Variants in ADK observed in about 807,000 individuals in gnomAD.
The protein encoded by ADK is N6,N6-dimethyladenosine kinase.
A neutral mutation model predicts 44.7 loss-of-function variants in ADK; 24 were observed. The observed-to-expected ratio is 0.54, with a 90% CI of 0.39 to 0.76. The LOEUF (loss-of-function observed/expected upper bound fraction) is 0.76. ADK is among the 30% of genes least tolerant of loss of function. The pLI is 0.00. For synonymous variants in ADK, 128 were observed against 142.6 expected (o/e 0.90, Z 0.73); for missense variants, 321 against 425.1 (o/e 0.76, Z 2.15).
intron 9 of ADK, among the ~76,000 whole-genome samples, chr10:74,606,664 C>G (rs1589292087): frequency 6.6e-6 from 1 of 152,044 alleles, no homozygotes; most frequent in Admixed American, 6.6e-5. Context: ...ATTATGTGGT[C>G]AATTTTAGAA....
At chr10:74,589,358 G>T (rs201841553) in intron 8 of ADK, 41 bp downstream of exon 8, 2 of 1,600,738 alleles carry the variant, frequency 1.2e-6, no homozygotes, top group African/African-American at 1.3e-5. Context: ...GATCCTAAAG[G>T]TTTTTTCTAG....
rs56052959 is a variant in ADK at position 74,312,914 on chromosome 10, C to CAAAAAAAAAAAAAAA, written c.195-1741_195-1727dup. 6.3e-4 allele frequency among the ~76,000 whole-genome samples: 24 copies of CAAAAAAAAAAAAAAA among 37,830 alleles called. 2 individuals carry two copies. Among genetic ancestry groups the CAAAAAAAAAAAAAAA allele is most frequent in the African/African-American group, 2.2e-3 (22 of 10,212 alleles). The allele number at this position is 37,830 out of a possible 152,430, so 24.8% of individuals were successfully genotyped here. ...GGATGAAAAAGGAAGATTCTGTCTC[C>CAAAAAAAAAAAAAAA]AAAAAAAAAAAAAAAAAAAAAAAAA... On this transcript the variant is annotated intron_variant, in intron 3 of 10. Transcript: ENST00000539909.
At chr10:74,469,648 G>A (rs751927976) in intron 6 of ADK, among the ~76,000 whole-genome samples, 64 of 152,314 alleles carry the variant, frequency 4.2e-4, no homozygotes, top group Non-Finnish European at 8.8e-4. Context: ...ATAGGCATAA[G>A]CCACCGTGCC....
chr10:74,271,857 CT>C (rs1846444892), intron 3 of ADK, among the ~76,000 whole-genome samples: 1 of 151,976 alleles, frequency 6.6e-6, no homozygotes, highest in South Asian at 2.1e-4. Flanking sequence ...TATGACAAAG[CT>C]GCTTCATATT....
At chr10:74,465,677 A>C (rs1282254756) in intron 6 of ADK, among the ~76,000 whole-genome samples, 2 of 152,168 alleles carry the variant, frequency 1.3e-5, no homozygotes, top group African/African-American at 2.4e-5. Flanking sequence ...GTGTAGGTAG[A>C]TTTAATAGAA....
intron 9 of ADK, among the ~76,000 whole-genome samples, chr10:74,614,596 A>G (rs1852676892): frequency 6.6e-6 from 1 of 152,008 alleles, no homozygotes; most frequent in Admixed American, 6.6e-5. Flanking sequence ...AGCTTCTACT[A>G]CTGACAGTTA....
In ADK at chr10:74,532,959, C is replaced by T. The variant is rs151001875; in HGVS notation, c.726+7533C>T. Among the ~76,000 whole-genome samples the T allele has an allele frequency of 5.0e-4, 73 of 146,032 alleles. No individual in the cohort carries two copies. In the East Asian group the frequency reaches 0.012, roughly 24 times the overall value. On this transcript the variant is annotated intron_variant, in intron 7 of 10. Transcript: ENST00000539909. Reference sequence around the variant, plus strand: ...AAAAAAAGCTATTAGAACTAAGTGACGTAGCAAGATTGTAGCATACAGAAT... The same window carrying T: ...AAAAAAAGCTATTAGAACTAAGTGATGTAGCAAGATTGTAGCATACAGAAT...
chr10:74,303,592 T>G (rs903149469), intron 3 of ADK, among the ~76,000 whole-genome samples: 23 of 112,162 alleles, frequency 2.1e-4, no homozygotes, highest in East Asian at 6.6e-4. Flanking sequence ...AATGTTGTTT[T>G]TTTTTTTTTT....
chr10:74,276,032 T>G (rs1368486749), intron 3 of ADK, among the ~76,000 whole-genome samples: 1 of 152,160 alleles, frequency 6.6e-6, no homozygotes, highest in Non-Finnish European at 1.5e-5. Flanking sequence ...ATCGTATAGT[T>G]TTTATCTTTT....
chr10:74,299,515 A>ATAT (rs1554840012), intron 3 of ADK, among the ~76,000 whole-genome samples: 2 of 140,532 alleles, frequency 1.4e-5, no homozygotes, highest in African/African-American at 2.6e-5. Flanking sequence ...AAAAAAAAGA[A>ATAT]ATATATATAT....
At chr10:74,460,983 G>C (rs1383735979) in intron 6 of ADK, among the ~76,000 whole-genome samples, 1 of 152,154 alleles carries the variant, frequency 6.6e-6, no homozygotes, top group Admixed American at 6.5e-5. Context: ...GGAGTACTGA[G>C]TTTTCTAATA....
intron 8 of ADK, among the ~76,000 whole-genome samples, chr10:74,590,873 A>C (rs1435508658): frequency 6.6e-6 from 1 of 152,176 alleles, no homozygotes; most frequent in African/African-American, 2.4e-5. Flanking sequence ...TTTAAGTTTT[A>C]ATATTACAAA....
intron 2 of ADK, among the ~76,000 whole-genome samples, chr10:74,211,169 G>A (rs568931303): frequency 6.6e-6 from 1 of 152,298 alleles, no homozygotes; most frequent in South Asian, 2.1e-4. Flanking sequence ...ACAGGTGTGA[G>A]CTACCGTGCC....
intron 9 of ADK, among the ~76,000 whole-genome samples, chr10:74,601,526 A>C (rs1271720688): frequency 6.6e-6 from 1 of 152,112 alleles, no homozygotes; most frequent in Non-Finnish European, 1.5e-5. Context: ...ATTTGCTTCA[A>C]AGTAGTTCAG....
chr10:74,612,043 A>C (rs1013498316), intron 9 of ADK, among the ~76,000 whole-genome samples: 8 of 152,174 alleles, frequency 5.3e-5, no homozygotes, highest in African/African-American at 1.9e-4. Flanking sequence ...TCTTTGAGAA[A>C]GTTCCAAACT....
chr10:74,697,975 A>G (rs1033909515), intron 10 of ADK, among the ~76,000 whole-genome samples: 6 of 152,216 alleles, frequency 3.9e-5, no homozygotes, highest in African/African-American at 1.4e-4. Context: ...TTGTAACATC[A>G]GTAAAAGTCT....
intron 6 of ADK, among the ~76,000 whole-genome samples, chr10:74,417,655 G>A (rs891778398): frequency 1.3e-5 from 2 of 151,506 alleles, no homozygotes; most frequent in African/African-American, 2.4e-5. Context: ...AGGCATCAGC[G>A]AACCATATCT....
In ADK at chr10:74,562,848, C is replaced by T. The variant is rs188743227; in HGVS notation, c.727-26434C>T. On this transcript the variant is annotated intron_variant, in intron 7 of 10. Transcript: ENST00000539909. ...GTAACTTTTAAACTGTCCTTGTGAA[C>T]CAGGTTGAGGGTAAAATTAAATTTG... Among the ~76,000 whole-genome samples the T allele has an allele frequency of 1.4e-4, 21 of 152,192 alleles. 1 individual carries two copies. In the East Asian group the frequency reaches 3.7e-3, roughly 27 times the overall value.
At chr10:74,400,566 T>C (rs1235357474) in intron 6 of ADK, among the ~76,000 whole-genome samples, 1 of 152,224 alleles carries the variant, frequency 6.6e-6, no homozygotes, top group Non-Finnish European at 1.5e-5. Context: ...CGAAATGATG[T>C]GTAGTCTAGT....
Sources: allele counts gnomAD v4.1 joint callset (sites outside exome capture counted in the v4.1 genomes callset), GRCh38; gene constraint gnomAD v4.1.1; transcripts MANE v1.5; gene names NCBI Gene and HGNC (gene_info 2026-07-23, HGNC 2026-07-21).